FAM135B: variants seen among roughly 807,000 people sequenced by gnomAD.
FAM135B encodes the protein family with sequence similarity 135 member B, also known as protein FAM135B.
A neutral mutation model predicts 127.7 loss-of-function variants in FAM135B; 43 were observed. The ratio of observed to expected loss-of-function variants is 0.34; its 90% CI spans 0.26 to 0.43. FAM135B has a LOEUF of 0.43. FAM135B is among the 20% of genes least tolerant of loss of function. The pLI is 1.00. For synonymous variants in FAM135B, 670 were observed against 665.1 expected (o/e 1.01, Z -0.11); for missense variants, 1,558 against 1,725.6 (o/e 0.90, Z 1.72).
rs2130729294 is a variant in FAM135B, at chr8:138,151,430, A to T, written c.3045T>A (p.Thr1015=). 6.2e-7 allele frequency: 1 copy of T among 1,614,210 alleles called. No homozygotes were observed. The highest frequency in any genetic ancestry group is 8.5e-7 in the Non-Finnish European group (1 of 1,180,032). ...TGTCCAGAGTAAAGGTCTCTGCAGA[A>T]GTCAGATGGGACCCCATGATGGAAG... ...AGTSIMGSHL[T]SAETFTLDSL... The change falls in exon 13 of 20, where the codon ACT becomes ACA. Residue 1015 remains threonine (T), a synonymous_variant. Transcript: ENST00000395297.
intron 1 of FAM135B, among the ~76,000 whole-genome samples, chr8:138,449,443 T>A (rs13260749): frequency 0.038 from 5,772 of 151,728 alleles, 156 homozygotes; most frequent in Non-Finnish European, 0.054. Context: ...GTCAAATTGT[T>A]GAGGTGAGAG....
chr8:138,273,581 A>T (rs1303725800), intron 3 of FAM135B, among the ~76,000 whole-genome samples: 1 of 152,138 alleles, frequency 6.6e-6, no homozygotes, highest in Admixed American at 6.5e-5. Flanking sequence ...GCCTGAATGG[A>T]GCATGGAGCA....
At chr8:138,445,840 G>A (rs1294790410) in intron 1 of FAM135B, among the ~76,000 whole-genome samples, 3 of 152,134 alleles carry the variant, frequency 2.0e-5, no homozygotes, top group Admixed American at 6.5e-5. Flanking sequence ...AGGGTATTCA[G>A]TTAGGAAAAG....
At chr8:138,355,023 A>G (rs1220447347) in intron 2 of FAM135B, among the ~76,000 whole-genome samples, 1 of 151,988 alleles carries the variant, frequency 6.6e-6, no homozygotes, top group African/African-American at 2.4e-5. Flanking sequence ...CTCCCACCCT[A>G]CAGCAGGCCC....
intron 3 of FAM135B, among the ~76,000 whole-genome samples, chr8:138,293,431 C>A (rs1456022791): frequency 6.6e-6 from 1 of 151,908 alleles, no homozygotes; most frequent in Non-Finnish European, 1.5e-5. Flanking sequence ...AGCTTCTGTA[C>A]AACAAAATAA....
chr8:138,409,232 G>A (rs1463297294), intron 1 of FAM135B, among the ~76,000 whole-genome samples: 1 of 152,196 alleles, frequency 6.6e-6, no homozygotes, highest in South Asian at 2.1e-4. Context: ...GTGTCTCCAG[G>A]ATTAGGGAGG....
chr8:138,284,534 C>T (rs1197148313), intron 3 of FAM135B, among the ~76,000 whole-genome samples: 2 of 151,998 alleles, frequency 1.3e-5, no homozygotes, highest in Non-Finnish European at 2.9e-5. Flanking sequence ...CCTCCATCTC[C>T]ATATCACTCC....
At chr8:138,168,082 G>A (rs1461022232) in intron 11 of FAM135B, 33 bp from the exon 12 acceptor site, 1 of 1,589,512 alleles carries the variant, frequency 6.3e-7, no homozygotes, top group Non-Finnish European at 8.6e-7. Flanking sequence ...AGCGTCCAGG[G>A]AAGAGTCAGA....
intron 1 of FAM135B, among the ~76,000 whole-genome samples, chr8:138,383,710 T>G (rs1306585293): frequency 6.6e-6 from 1 of 152,220 alleles, no homozygotes; most frequent in Non-Finnish European, 1.5e-5. Context: ...TGTGACTTAA[T>G]CTCTGCATGA....
chr8:138,168,133 A>G, intron 11 of FAM135B, 84 bp from the exon 12 acceptor site: 1 of 1,444,876 alleles, frequency 6.9e-7, no homozygotes, highest in South Asian at 1.4e-5. Context: ...TCCCGGGAAA[A>G]TACTCGGTTC....
At chr8:138,208,679 G>A (rs1297131148) in intron 7 of FAM135B, among the ~76,000 whole-genome samples, 2 of 152,196 alleles carry the variant, frequency 1.3e-5, no homozygotes, top group Non-Finnish European at 2.9e-5. Context: ...CCCTCAGAGG[G>A]CAAGAGTGAG....
rs553403364 is a variant in FAM135B at position 138,147,448 on chromosome 8, T to C, written c.3448+1072A>G. ...GTTATTAATAAACTGAGAACATTTA[T>C]AAGAATACGAATCTTGAGGTTTTTG... is the stretch of plus-strand genomic sequence containing the variant. On this transcript the variant is annotated intron_variant, in intron 14 of 19. Coordinates refer to ENST00000395297, the MANE Select transcript of FAM135B (RefSeq NM_015912.4). Among the ~76,000 whole-genome samples, 3 of 152,354 alleles carry C rather than the reference T, an allele frequency of 2.0e-5. No individual in the cohort carries two copies. The South Asian group carries it at 6.2e-4, about 32-fold the overall frequency.
chr8:138,299,114 A>AAAT (rs1263596871), intron 3 of FAM135B, among the ~76,000 whole-genome samples: 8 of 149,472 alleles, frequency 5.4e-5, no homozygotes, highest in African/African-American at 1.7e-4. Flanking sequence ...TAAATAAAAT[A>AAAT]AAAATAAAAA....
chr8:138,203,163 C>G (rs1194491942), intron 7 of FAM135B, among the ~76,000 whole-genome samples: 2 of 152,162 alleles, frequency 1.3e-5, no homozygotes, highest in East Asian at 1.9e-4. Context: ...GTTATCAACT[C>G]TTTCCTTTAT....
rs529280012 is a variant in FAM135B at position 138,493,387 on chromosome 8, C to A, written c.-20+3284G>T. Among the ~76,000 whole-genome samples the A allele has an allele frequency of 2.2e-3, 337 of 152,192 alleles. 2 individuals carry two copies. Among genetic ancestry groups the A allele is most frequent in the Non-Finnish European group, 3.7e-3 (252 of 68,010 alleles). On this transcript the variant is annotated intron_variant, in intron 1 of 19. Coordinates refer to ENST00000395297, the MANE Select transcript of FAM135B (RefSeq NM_015912.4). ...TCTTAGTTCTTCTTCTCTTGTAGAA[C>A]TGTAGGTGAAATACAGGGAGGAGAC...
At chr8:138,408,259 G>A (rs553862714) in intron 1 of FAM135B, among the ~76,000 whole-genome samples, 15 of 152,290 alleles carry the variant, frequency 9.8e-5, no homozygotes, top group Non-Finnish European at 1.8e-4. Context: ...TATCTACACT[G>A]AAAATCTGTT....
Position 138,482,554 on chromosome 8 carries a change from T to C in FAM135B, c.-20+14117A>G, listed in dbSNP as rs187762697. ...TTTGCAGCTGGCCCTGCAAGTTTTG[T>C]AGCCAATCCCAGGTCCTACCTAGTA... On this transcript the variant is annotated intron_variant, in intron 1 of 19. Coordinates refer to ENST00000395297, the MANE Select transcript of FAM135B (RefSeq NM_015912.4). Among the ~76,000 whole-genome samples the C allele has an allele frequency of 3.5e-3, 528 of 152,264 alleles. 1 individual carries two copies. The highest frequency in any genetic ancestry group is 5.2e-3 in the Non-Finnish European group (351 of 68,018).
intron 1 of FAM135B, among the ~76,000 whole-genome samples, chr8:138,472,649 A>C (rs1259714510): frequency 6.6e-6 from 1 of 152,112 alleles, no homozygotes; most frequent in African/African-American, 2.4e-5. Flanking sequence ...TAGAGGAAGG[A>C]GGTGTTAAAG....
Position 138,131,733 on chromosome 8 carries a change from A to G in FAM135B, c.*860T>C, listed in dbSNP as rs1816232068. 6.6e-6 allele frequency: 1 copy of G among 152,646 alleles called. No homozygotes were observed. Among genetic ancestry groups the G allele is most frequent in the Non-Finnish European group, 1.5e-5 (1 of 68,046 alleles). The allele number at this position is 152,646 out of a possible 1,614,324, so 9.5% of individuals were successfully genotyped here. On this transcript the variant is annotated 3_prime_UTR_variant, in exon 20 of 20. Coordinates refer to ENST00000395297, the MANE Select transcript of FAM135B (RefSeq NM_015912.4). ...CATAGCATGTCTTTGGAAGTGTATC[A>G]GCAGGAGCTTCACACGTGTGTGCAT...
Sources: gnomAD v4.1 joint callset for allele counts (sites outside exome capture counted in the v4.1 genomes callset) on GRCh38, gnomAD v4.1.1 for gene constraint, MANE v1.5 for transcripts, NCBI Gene and HGNC (gene_info 2026-07-23, HGNC 2026-07-21) for gene names.